PGPEP1L: variants seen among roughly 807,000 people sequenced by gnomAD.
The protein encoded by PGPEP1L is pyroglutamyl-peptidase 1-like protein.
Under a neutral mutation model 6.0 loss-of-function variants are expected in PGPEP1L, and 7 were observed. The ratio of observed to expected loss-of-function variants is 1.17; its 90% CI spans 0.66 to 2.19. PGPEP1L has a LOEUF of 2.19. PGPEP1L is among the 30% of genes most tolerant of loss of function. PGPEP1L has a pLI of 0.00. For synonymous variants in PGPEP1L, 103 were observed against 83.9 expected, an observed-to-expected ratio of 1.23 and a Z score of -1.24; for missense variants, 209 against 192.5, an observed-to-expected ratio of 1.09 and a Z score of -0.51.
chr15:99,006,689 C>T (rs1173944090), intron 1 of PGPEP1L, among the ~76,000 whole-genome samples: 14 of 152,148 alleles, frequency 9.2e-5, no homozygotes, highest in African/African-American at 3.4e-4. Flanking sequence ...GTGGTATATG[C>T]CCATAGTCCT....
intron 1 of PGPEP1L, among the ~76,000 whole-genome samples, chr15:99,006,217 C>A (rs553541793): frequency 2.5e-4 from 38 of 152,314 alleles, no homozygotes; most frequent in African/African-American, 8.9e-4. Flanking sequence ...TCTTTCTGTG[C>A]CCCAGGCACT....
chr15:99,006,367 A>T (rs1382314379), intron 1 of PGPEP1L, among the ~76,000 whole-genome samples: 1 of 152,252 alleles, frequency 6.6e-6, no homozygotes, highest in Non-Finnish European at 1.5e-5. Context: ...CTCCTTAAAC[A>T]TGCCACTGAC....
At chr15:98,994,657 G>A (rs2017863787) in intron 2 of PGPEP1L, among the ~76,000 whole-genome samples, 1 of 152,128 alleles carries the variant, frequency 6.6e-6, no homozygotes, top group Non-Finnish European at 1.5e-5. Flanking sequence ...GATTTTGCCT[G>A]CGGGCTCACT....
chr15:99,000,893 C>T (rs1555472932), intron 2 of PGPEP1L, among the ~76,000 whole-genome samples: 1 of 151,944 alleles, frequency 6.6e-6, no homozygotes, highest in Non-Finnish European at 1.5e-5. Context: ...TCGCTCTTTA[C>T]AATCAATCTT....
chr15:98,988,240 G>C (rs1354257846), intron 2 of PGPEP1L, among the ~76,000 whole-genome samples: 1 of 152,282 alleles, frequency 6.6e-6, no homozygotes, highest in African/African-American at 2.4e-5. Flanking sequence ...AGATCCACTG[G>C]CTTGAAATTC....
chr15:98,990,889 G>A (rs1555471980), intron 2 of PGPEP1L, among the ~76,000 whole-genome samples: 1 of 152,180 alleles, frequency 6.6e-6, no homozygotes, highest in Admixed American at 6.5e-5. Flanking sequence ...AATTGAAGCA[G>A]AAATAAAGAT....
In PGPEP1L at chr15:98,971,165, A is replaced by T; in HGVS notation, c.-141-7T>A. On this transcript the variant is annotated splice_region_variant and splice_polypyrimidine_tract_variant and intron_variant, in intron 2 of 4. Coordinates refer to ENST00000535714, the MANE Select transcript of PGPEP1L (RefSeq NM_001167902.2). ...GGCCCAGCTTGGAGAGCTCCTGAGG[A>T]AAGCGGCAGGTGGACTTGCCTCAGT... is the stretch of plus-strand genomic sequence containing the variant. The T allele has an allele frequency of 7.2e-7, 1 of 1,395,306 alleles. No individual in the cohort carries two copies. The highest frequency in any genetic ancestry group is 9.6e-7 in the Non-Finnish European group (1 of 1,042,880). The allele number at this position is 1,395,306 out of a possible 1,614,324, so 86.4% of individuals were successfully genotyped here.
intron 2 of PGPEP1L, among the ~76,000 whole-genome samples, chr15:98,979,877 T>TG (rs557673378): frequency 1.2e-3 from 176 of 152,258 alleles, no homozygotes; most frequent in African/African-American, 3.9e-3. Flanking sequence ...CTCGAACTCC[T>TG]GACCTTGTGA....
chr15:98,997,529 G>A (rs1555472600), intron 2 of PGPEP1L, among the ~76,000 whole-genome samples: 1 of 152,146 alleles, frequency 6.6e-6, no homozygotes, highest in Non-Finnish European at 1.5e-5. Context: ...AAGGAGAAGA[G>A]GCAGTTCCCT....
At chr15:98,995,704 C>A (rs1411310365) in intron 2 of PGPEP1L, among the ~76,000 whole-genome samples, 2 of 152,148 alleles carry the variant, frequency 1.3e-5, no homozygotes, top group African/African-American at 4.8e-5. Context: ...TCTAAATAAA[C>A]TCTACAATTC....
intron 2 of PGPEP1L, among the ~76,000 whole-genome samples, chr15:98,975,423 TAGTTA>T (rs1281040839): frequency 6.6e-6 from 1 of 152,136 alleles, no homozygotes; most frequent in East Asian, 1.9e-4. Context: ...AGGGTGACAA[TAGTTA>T]ACATTAATTT....
chr15:98,984,276 C>A (rs2017714421), intron 2 of PGPEP1L, among the ~76,000 whole-genome samples: 3 of 152,204 alleles, frequency 2.0e-5, no homozygotes, highest in Admixed American at 2.0e-4. Context: ...TCCCAAAGTG[C>A]TGGGATTACA....
At position 99,007,550 on chromosome 15, in the gene PGPEP1L, G is replaced by GT; in HGVS notation, c.-562dup. 1 of 152,144 alleles carries GT rather than the reference G, an allele frequency of 6.6e-6. No individual in the cohort carries two copies. The highest frequency in any genetic ancestry group is 1.5e-5 in the Non-Finnish European group (1 of 68,048). 9.4% of individuals were successfully genotyped at this position (152,144 alleles called of 1,614,324 possible). ...ATTCGTGATCTCGCTGACTTCAGGA[G>GT]TGAAGCTACGGACCTTCATCATGAG... On this transcript the variant is annotated 5_prime_UTR_variant, in exon 1 of 5. It introduces an in-frame stop codon into an upstream open reading frame of the 5' UTR. Coordinates refer to ENST00000535714, the MANE Select transcript of PGPEP1L (RefSeq NM_001167902.2).
chr15:98,971,470 G>A (rs2017496653), intron 2 of PGPEP1L, among the ~76,000 whole-genome samples: 1 of 152,012 alleles, frequency 6.6e-6, no homozygotes, highest in East Asian at 1.9e-4. Flanking sequence ...CTCCAGCCTG[G>A]GTGACAGAGC....
chr15:98,978,374 A>C (rs2017599993), intron 2 of PGPEP1L, among the ~76,000 whole-genome samples: 1 of 151,950 alleles, frequency 6.6e-6, no homozygotes, highest in Non-Finnish European at 1.5e-5. Context: ...GAGTCCAGGG[A>C]CCTAATTAAT....
At chr15:98,993,564 C>T (rs940848697) in intron 2 of PGPEP1L, among the ~76,000 whole-genome samples, 21 of 149,478 alleles carry the variant, frequency 1.4e-4, no homozygotes, top group African/African-American at 4.4e-4. Context: ...ACTAGAAATA[C>T]ACAGATACAG....
chr15:98,973,746 A>G (rs2017529865), intron 2 of PGPEP1L, among the ~76,000 whole-genome samples: 1 of 152,236 alleles, frequency 6.6e-6, no homozygotes, highest in South Asian at 2.1e-4. Context: ...TGCTTTCATC[A>G]AAAAGATAGA....
At chr15:98,986,202 T>A (rs532620293) in intron 2 of PGPEP1L, among the ~76,000 whole-genome samples, 3 of 152,210 alleles carry the variant, frequency 2.0e-5, no homozygotes, top group Non-Finnish European at 4.4e-5. Context: ...TTGTAAGTGA[T>A]AGAAGTGTCT....
chr15:98,975,423 T>C (rs2017553800), intron 2 of PGPEP1L, among the ~76,000 whole-genome samples: 1 of 152,136 alleles, frequency 6.6e-6, no homozygotes, highest in African/African-American at 2.4e-5. Context: ...AGGGTGACAA[T>C]AGTTAACATT....
Sources: allele counts gnomAD v4.1 joint callset (sites outside exome capture counted in the v4.1 genomes callset), GRCh38; gene constraint gnomAD v4.1.1; transcripts MANE v1.5; gene names NCBI Gene and HGNC (gene_info 2026-07-23, HGNC 2026-07-21).